SCUBE2: variants seen among roughly 807,000 people sequenced by gnomAD.
The protein encoded by SCUBE2 is signal peptide, CUB and EGF-like domain-containing protein 2.
SCUBE2 carries 114 observed loss-of-function variants against 125.9 expected under a neutral mutation model. The observed-to-expected ratio is 0.91, with a 90% CI of 0.78 to 1.06. The LOEUF (loss-of-function observed/expected upper bound fraction) is 1.06. Among genes scored for constraint, SCUBE2 ranks in the 50% least tolerant of loss-of-function variants. The probability of loss-of-function intolerance (pLI) is 0.00; values close to 1 mark genes in which losing one functional copy is unlikely to be tolerated. For missense variants in SCUBE2, 1,255 were observed against 1,301.8 expected, an observed-to-expected ratio of 0.96 and a Z score of 0.55; for synonymous variants, 459 against 492.9, an observed-to-expected ratio of 0.93 and a Z score of 0.91.
intron 13 of SCUBE2, among the ~76,000 whole-genome samples, chr11:9,051,233 CCTACCTAT>C (rs879506253): frequency 1.6e-3 from 228 of 142,798 alleles, no homozygotes; most frequent in African/African-American, 5.9e-3. Context: ...TATCTACCTA[CCTACCTAT>C]CTATCTATCT....
chr11:9,044,637 A>T (rs1181910230), intron 16 of SCUBE2, among the ~76,000 whole-genome samples: 1 of 152,126 alleles, frequency 6.6e-6, no homozygotes, highest in African/African-American at 2.4e-5. Context: ...CCTATGCTCA[A>T]AGCCCTCCAC....
At chr11:9,064,537 T>C (rs1590108838) in intron 7 of SCUBE2, 1 of 144,822 alleles carries the variant, frequency 6.9e-6, no homozygotes, top group Non-Finnish European at 1.5e-5. Context: ...TTCAGAAATA[T>C]GGGGGAGGAG....
chr11:9,058,190 C>A (rs1292507319), intron 9 of SCUBE2, among the ~76,000 whole-genome samples: 1 of 152,122 alleles, frequency 6.6e-6, no homozygotes, highest in African/African-American at 2.4e-5. Context: ...GGGCCAGGTG[C>A]GGTGGCCCAC....
In SCUBE2 at chr11:9,059,216, A is replaced by G. The variant is rs1859418708; in HGVS notation, c.1090+87T>C. On this transcript the variant is annotated intron_variant, in intron 9 of 22. Coordinates refer to ENST00000649792, the MANE Select transcript of SCUBE2 (RefSeq NM_001367977.2). The stretch of plus-strand genomic sequence containing the variant: ...TAGTGGCCCTGTCAAGAAGCCTGAT[A>G]AGCCAGTCTCTGCCAGGAGGGTGCT... 45 of 1,499,870 alleles carry G rather than the reference A, an allele frequency of 3.0e-5. No individual in the cohort carries two copies. The South Asian group carries it at 5.6e-4, about 19-fold the overall frequency. The allele number at this position is 1,499,870 out of a possible 1,614,324, so 92.9% of individuals were successfully genotyped here. A position where few individuals can be genotyped will look rare whatever the true frequency, so the allele number is the denominator to read the frequency against.
At chr11:9,029,220 A>G (rs538674743) in intron 19 of SCUBE2, among the ~76,000 whole-genome samples, 186 of 151,602 alleles carry the variant, frequency 1.2e-3, no homozygotes, top group African/African-American at 4.4e-3. Context: ...CCCCCTTCCT[A>G]TAAAACACAA....
At chr11:9,033,255 C>A (rs1398225022) in intron 17 of SCUBE2, among the ~76,000 whole-genome samples, 1 of 152,058 alleles carries the variant, frequency 6.6e-6, no homozygotes, top group Non-Finnish European at 1.5e-5. Context: ...AATTTGAGAC[C>A]AAAGCTGGAG....
chr11:9,030,156 T>A, intron 18 of SCUBE2, 111 bp from the exon 19 acceptor site: 2 of 1,263,588 alleles, frequency 1.6e-6, no homozygotes, highest in Non-Finnish European at 2.2e-6. Context: ...GCAAATGAAG[T>A]AGGGCTTTCC....
intron 14 of SCUBE2, among the ~76,000 whole-genome samples, chr11:9,049,223 C>T (rs1858102218): frequency 6.6e-6 from 1 of 152,028 alleles, no homozygotes; most frequent in South Asian, 2.1e-4. Flanking sequence ...AAACTATAGG[C>T]CAAGTCTATT....
chr11:9,031,213 C>T (rs1856273646), intron 17 of SCUBE2: 1 of 278,208 alleles, frequency 3.6e-6, no homozygotes, highest in African/African-American at 2.2e-5. Flanking sequence ...AGTTCTCAGG[C>T]TTAGGCCTAC....
intron 1 of SCUBE2, chr11:9,090,492 T>TATTTATTTATTTATTTA (rs55777434): frequency 1.9e-4 from 27 of 145,534 alleles, no homozygotes; most frequent in East Asian, 6.0e-4. Flanking sequence ...TTTATTTATT[T>TATTTATTTATTTATTTA]TTTTTTTTTG....
rs61409328 is a variant in SCUBE2, at chr11:9,058,595, C to CAAAAAA, written c.1090+702_1090+707dup. 2.3e-4 allele frequency among the ~76,000 whole-genome samples: 10 copies of CAAAAAA among 44,312 alleles called. 1 individual carries two copies. The highest frequency in any genetic ancestry group is 7.7e-4 in the East Asian group (1 of 1,294). 29.1% of individuals were successfully genotyped at this position (44,312 alleles called of 152,430 possible). A position where few individuals can be genotyped will look rare whatever the true frequency, so the allele number is the denominator to read the frequency against. ...TGGGTGACAGAGCGAGACTCTGTCT[C>CAAAAAA]AAAAAAAAAAAAAAAAAAAAAAAAA... On this transcript the variant is annotated intron_variant, in intron 9 of 22. Transcript: ENST00000649792.
intron 13 of SCUBE2, among the ~76,000 whole-genome samples, chr11:9,050,920 C>A (rs769810544): frequency 1.3e-5 from 2 of 152,148 alleles, no homozygotes; most frequent in African/African-American, 2.4e-5. Context: ...ATTGCAGTTA[C>A]CCCCTCATGT....
chr11:9,075,378 TA>T, intron 3 of SCUBE2, among the ~76,000 whole-genome samples: 1 of 152,002 alleles, frequency 6.6e-6, no homozygotes, highest in Non-Finnish European at 1.5e-5. Flanking sequence ...GATGGGCCCT[TA>T]GGATTGTCCA....
chr11:9,088,085 T>C (rs1862268727), intron 2 of SCUBE2, among the ~76,000 whole-genome samples: 1 of 152,262 alleles, frequency 6.6e-6, no homozygotes, highest in Non-Finnish European at 1.5e-5. Context: ...TGTTCCAATA[T>C]TTAGAATCTT....
intron 11 of SCUBE2, 124 bp from the exon 12 acceptor site, chr11:9,053,339 C>T (rs1351334812): frequency 1.1e-5 from 9 of 826,598 alleles, no homozygotes; most frequent in African/African-American, 1.7e-5. Flanking sequence ...CAGCACAGAA[C>T]ATAGATGCTA....
At chr11:9,033,851 G>A in intron 16 of SCUBE2, 55 bp from the exon 17 acceptor site, 1 of 1,580,882 alleles carries the variant, frequency 6.3e-7, no homozygotes, top group Non-Finnish European at 8.7e-7. Flanking sequence ...AAGGAAGGAT[G>A]ATGTGAGTTC....
chr11:9,031,008 C>A, intron 17 of SCUBE2, 83 bp from the exon 18 acceptor site: 3 of 1,351,422 alleles, frequency 2.2e-6, no homozygotes, highest in South Asian at 1.4e-5. Context: ...CAACTTCAGT[C>A]CAACCTGTTA....
chr11:9,069,003 T>C (rs1860518967), intron 5 of SCUBE2, among the ~76,000 whole-genome samples: 1 of 152,156 alleles, frequency 6.6e-6, no homozygotes, highest in Non-Finnish European at 1.5e-5. Context: ...GAGTAGTGTC[T>C]GCGGAAAGGA....
intron 7 of SCUBE2, among the ~76,000 whole-genome samples, chr11:9,064,264 C>A (rs542697252): frequency 2.0e-5 from 3 of 152,118 alleles, no homozygotes; most frequent in Admixed American, 6.5e-5. Flanking sequence ...CCCAGGAGTT[C>A]GAGACCAGCC....
Sources: allele counts gnomAD v4.1 joint callset (sites outside exome capture counted in the v4.1 genomes callset), GRCh38; gene constraint gnomAD v4.1.1; transcripts MANE v1.5; gene names NCBI Gene and HGNC (gene_info 2026-07-23, HGNC 2026-07-21).